DOCK3: variants seen among roughly 807,000 people sequenced by gnomAD.
DOCK3 encodes the protein dedicator of cytokinesis protein 3.
In DOCK3, 60 loss-of-function variants were observed where a neutral mutation model predicts 265.6. The ratio of observed to expected loss-of-function variants is 0.23; its 90% CI spans 0.18 to 0.28. The LOEUF (loss-of-function observed/expected upper bound fraction) is 0.28, where lower values mean the gene tolerates loss of function less well. Ranked by LOEUF, DOCK3 falls within the 10% of genes least tolerant of loss-of-function variation. The pLI, the probability that DOCK3 is intolerant of heterozygous loss-of-function variation, is 1.00. For synonymous variants in DOCK3, 881 were observed against 938.0 expected (o/e 0.94, Z 1.11); for missense variants, 1,981 against 2,594.3 (o/e 0.76, Z 5.14).
intron 12 of DOCK3, among the ~76,000 whole-genome samples, chr3:51,206,320 A>G (rs1053748569): frequency 1.8e-4 from 27 of 152,210 alleles, no homozygotes; most frequent in African/African-American, 6.0e-4. Context: ...ATTATGTGCT[A>G]CAAGTTTTGC....
chr3:51,332,796 G>T (rs2084613828), intron 33 of DOCK3, among the ~76,000 whole-genome samples: 1 of 152,180 alleles, frequency 6.6e-6, no homozygotes. Flanking sequence ...TTCAACTACT[G>T]CTTCAGAACA....
At chr3:51,071,792 T>C (rs897309677) in intron 6 of DOCK3, among the ~76,000 whole-genome samples, 1 of 152,210 alleles carries the variant, frequency 6.6e-6, no homozygotes, top group African/African-American at 2.4e-5. Context: ...TGTTCACTAT[T>C]CTTCGAGTAA....
At chr3:51,243,653 C>T (rs1234917112) in intron 21 of DOCK3, among the ~76,000 whole-genome samples, 4 of 152,072 alleles carry the variant, frequency 2.6e-5, no homozygotes, top group Non-Finnish European at 5.9e-5. Context: ...TTTTCCCAGT[C>T]ACTTGGTTGC....
intron 51 of DOCK3, among the ~76,000 whole-genome samples, chr3:51,379,870 C>T (rs562929855): frequency 2.0e-5 from 3 of 152,368 alleles, no homozygotes; most frequent in African/African-American, 7.2e-5. Flanking sequence ...CTAGAGCTGC[C>T]GCTGCCTGAG....
chr3:50,699,955 C>T (rs1372054992), intron 1 of DOCK3, among the ~76,000 whole-genome samples: 1 of 152,168 alleles, frequency 6.6e-6, no homozygotes, highest in Admixed American at 6.5e-5. Flanking sequence ...TCACTCCAAA[C>T]ATTGATCATT....
intron 32 of DOCK3, among the ~76,000 whole-genome samples, chr3:51,324,103 G>A (rs919762841): frequency 6.6e-6 from 1 of 152,076 alleles, no homozygotes; most frequent in Non-Finnish European, 1.5e-5. Flanking sequence ...AGAAATAAAG[G>A]GTATTCAAAT....
At chr3:50,776,612 A>G (rs371903641) in intron 1 of DOCK3, among the ~76,000 whole-genome samples, 1 of 151,734 alleles carries the variant, frequency 6.6e-6, no homozygotes, top group East Asian at 1.9e-4. Flanking sequence ...TTTTTGTTGC[A>G]TTTGCCTTTG....
intron 5 of DOCK3, among the ~76,000 whole-genome samples, chr3:51,015,551 T>G (rs1424025262): frequency 6.6e-6 from 1 of 150,980 alleles, no homozygotes; most frequent in African/African-American, 2.4e-5. Context: ...TGAGGATTTT[T>G]GTGTCAATAT....
chr3:50,845,752 C>A (rs560941718), intron 3 of DOCK3, among the ~76,000 whole-genome samples: 6 of 152,136 alleles, frequency 3.9e-5, no homozygotes, highest in African/African-American at 1.4e-4. Flanking sequence ...TCAAGAGAAT[C>A]GCTTGAACTT....
intron 22 of DOCK3, among the ~76,000 whole-genome samples, chr3:51,257,472 T>C (rs549766087): frequency 2.4e-4 from 36 of 152,318 alleles, no homozygotes; most frequent in Non-Finnish European, 5.9e-5. Context: ...ATAAAAAGTT[T>C]ATTATTTCTT....
chr3:50,775,584 CA>C (rs1467314223), intron 1 of DOCK3, among the ~76,000 whole-genome samples: 3 of 151,964 alleles, frequency 2.0e-5, no homozygotes, highest in Admixed American at 2.0e-4. Flanking sequence ...TCAAGATTGA[CA>C]GGGCGTTTCT....
In DOCK3 at chr3:51,381,585, G is replaced by A. The variant is rs782490904; in HGVS notation, c.*26G>A. 4.8e-6 allele frequency: 7 copies of A among 1,472,422 alleles called. No homozygotes were observed. Among genetic ancestry groups the A allele is most frequent in the East Asian group, 2.4e-5 (1 of 41,592 alleles). 91.2% of individuals were successfully genotyped at this position (1,472,422 alleles called of 1,614,324 possible). On this transcript the variant is annotated 3_prime_UTR_variant, in exon 53 of 53. Coordinates refer to ENST00000266037, the MANE Select transcript of DOCK3 (RefSeq NM_004947.5). The surrounding 1 kb of genome is among the most constrained non-coding windows in gnomAD (Gnocchi z 5.6). Reference sequence around the variant, plus strand: ...GGGGCAACGAGGCGGCTGGGATGCCGCCCTCAGTAAGCAGCTTGCCAATCA... The same window carrying A: ...GGGGCAACGAGGCGGCTGGGATGCCACCCTCAGTAAGCAGCTTGCCAATCA...
chr3:51,279,809 A>G (rs1452575557), intron 26 of DOCK3, among the ~76,000 whole-genome samples: 4 of 152,176 alleles, frequency 2.6e-5, no homozygotes. Context: ...GCAAAGGACT[A>G]TTTAGCCAAA....
At chr3:50,733,778 T>C (rs1016496240) in intron 1 of DOCK3, among the ~76,000 whole-genome samples, 2 of 80,082 alleles carry the variant, frequency 2.5e-5, no homozygotes, top group African/African-American at 5.6e-5. Flanking sequence ...TTTAACTGTT[T>C]TGTTGTTCTA....
In DOCK3 at chr3:50,796,772, A is replaced by G. The variant is rs1295611106; in HGVS notation, c.121+18014A>G. On this transcript the variant is annotated intron_variant, in intron 2 of 52. Coordinates refer to ENST00000266037, the MANE Select transcript of DOCK3 (RefSeq NM_004947.5). ...GCTGACCTTTAGATTTTTTTTTTTT[A>G]CTTTTATCCTAGTTGATGACCTTGA... 2.0e-5 allele frequency among the ~76,000 whole-genome samples: 3 copies of G among 147,218 alleles called. No homozygotes were observed. The South Asian group carries it at 6.4e-4, about 32-fold the overall frequency.
chr3:51,092,810 C>G (rs1182914725), intron 9 of DOCK3, among the ~76,000 whole-genome samples: 2 of 152,014 alleles, frequency 1.3e-5, no homozygotes, highest in African/African-American at 2.4e-5. Context: ...AGCTTCCAGA[C>G]GAAAGAACAG....
chr3:51,004,229 T>C (rs1341571907), intron 5 of DOCK3, among the ~76,000 whole-genome samples: 1 of 152,116 alleles, frequency 6.6e-6, no homozygotes, highest in African/African-American at 2.4e-5. Flanking sequence ...TTTGGATAAA[T>C]CACTCTGGGG....
intron 1 of DOCK3, among the ~76,000 whole-genome samples, chr3:50,764,917 ATTTGTTTTGT>A (rs959587953): frequency 6.6e-6 from 1 of 151,914 alleles, no homozygotes; most frequent in African/African-American, 2.4e-5. Context: ...TAAAGGGCAT[ATTTGTTTTGT>A]TTTGTTTTGT....
intron 7 of DOCK3, among the ~76,000 whole-genome samples, chr3:51,080,445 T>C (rs2082187946): frequency 6.6e-6 from 1 of 152,126 alleles, no homozygotes; most frequent in African/African-American, 2.4e-5. Flanking sequence ...ATGGAAACAA[T>C]GCATTACAAC....
Sources: gnomAD v4.1 joint callset for allele counts (sites outside exome capture counted in the v4.1 genomes callset) on GRCh38, gnomAD v4.1.1 for gene constraint, Gnocchi (gnomAD v3.1) non-coding constraint, MANE v1.5 for transcripts, NCBI Gene and HGNC (gene_info 2026-07-23, HGNC 2026-07-21) for gene names.